Variants in FRS2 observed in about 807,000 individuals in gnomAD.
The protein encoded by FRS2 is fibroblast growth factor receptor substrate 2.
Under a neutral mutation model 43.9 loss-of-function variants are expected in FRS2, and 8 were observed. The observed-to-expected ratio is 0.18, with a 90% CI of 0.11 to 0.33. The LOEUF is 0.33. Among genes scored for constraint, FRS2 ranks in the 10% least tolerant of loss-of-function variants. The pLI is 1.00. For synonymous variants in FRS2, 219 were observed against 220.3 expected (o/e 0.99, Z 0.05); for missense variants, 534 against 627.6 (o/e 0.85, Z 1.59).
chr12:69,525,815 G>A (rs933508884), intron 1 of FRS2, among the ~76,000 whole-genome samples: 7 of 150,688 alleles, frequency 4.6e-5, no homozygotes, highest in African/African-American at 1.7e-4. Context: ...TAGAAGACTA[G>A]CATATGTATT....
chr12:69,505,404 A>G (rs1873837114), intron 1 of FRS2, among the ~76,000 whole-genome samples: 1 of 152,200 alleles, frequency 6.6e-6, no homozygotes, highest in Non-Finnish European at 1.5e-5. Context: ...ACATAATAAG[A>G]ATCTGTTTAG....
At chr12:69,503,905 A>G (rs967452210) in intron 1 of FRS2, among the ~76,000 whole-genome samples, 2 of 152,172 alleles carry the variant, frequency 1.3e-5, no homozygotes, top group Admixed American at 1.3e-4. Flanking sequence ...AATTGCTTTT[A>G]CAGATTTTTA....
intron 1 of FRS2, among the ~76,000 whole-genome samples, chr12:69,495,071 G>T (rs1342250339): frequency 6.6e-6 from 1 of 152,000 alleles, no homozygotes; most frequent in Non-Finnish European, 1.5e-5. Context: ...TCGCCTGGCC[G>T]CTTCTAGGTT....
At chr12:69,509,769 G>T (rs536779446) in intron 1 of FRS2, among the ~76,000 whole-genome samples, 16 of 152,154 alleles carry the variant, frequency 1.1e-4, no homozygotes, top group African/African-American at 3.6e-4. Flanking sequence ...TTGCTGTTGT[G>T]TCTTTCCCAA....
intron 7 of FRS2, 109 bp from the exon 8 acceptor site, chr12:69,572,009 G>A: frequency 2.9e-6 from 2 of 700,428 alleles, no homozygotes; most frequent in East Asian, 2.7e-5. Flanking sequence ...GATTTCTGCT[G>A]TCTTGGCAGA....
chr12:69,498,519 TTGTG>T lies in FRS2; in HGVS notation c.-261+28019_-261+28022del, dbSNP rs71094717. Among the ~76,000 whole-genome samples the T allele has an allele frequency of 1.3e-3, 189 of 141,552 alleles. 2 individuals are homozygous for T. The highest frequency in any genetic ancestry group is 0.012 in the East Asian group (60 of 4,842). The allele number at this position is 141,552 out of a possible 152,430, so 92.9% of individuals were successfully genotyped here. A position where few individuals can be genotyped will look rare whatever the true frequency, so the allele number is the denominator to read the frequency against. ...AACTTTCTTAAACCATTATGAGGGT[TTGTG>T]TGTGTGTGTGTGTGTGTGTGTGTGT... On this transcript the variant is annotated intron_variant, in intron 1 of 8. Transcript: ENST00000549921.
chr12:69,571,209 T>G, intron 6 of FRS2, 67 bp from the exon 7 acceptor site: 1 of 1,026,816 alleles, frequency 9.7e-7, no homozygotes, highest in Non-Finnish European at 1.4e-6. Flanking sequence ...CTGCTGTTTG[T>G]CAAGTGTTCC....
At position 69,513,830 on chromosome 12, in the gene FRS2, G is replaced by A. The variant is rs947019552; in HGVS notation, c.-260-17035G>A. 2.6e-5 allele frequency among the ~76,000 whole-genome samples: 4 copies of A among 152,134 alleles called. No homozygotes were observed. The South Asian group carries it at 8.3e-4, about 31-fold the overall frequency. The stretch of plus-strand genomic sequence containing the variant: ...TGGTGGAATCATTTGTTACCTCAAT[G>A]AAAGCTACTCCTTGGATAGAGTTGT... On this transcript the variant is annotated intron_variant, in intron 1 of 8. Transcript: ENST00000549921.
At chr12:69,470,562 C>T in intron 1 of FRS2, 32 bp downstream of exon 1, 1 of 398,342 alleles carries the variant, frequency 2.5e-6, no homozygotes, top group Non-Finnish European at 4.4e-6. Context: ...CTGGGACGGC[C>T]GCGGGCCCGC....
intron 1 of FRS2, among the ~76,000 whole-genome samples, chr12:69,478,340 C>T (rs868756186): frequency 9.9e-5 from 15 of 152,052 alleles, no homozygotes; most frequent in Middle Eastern, 3.4e-3. Context: ...AATATGGTGG[C>T]CCCTATATAG....
chr12:69,558,780 C>T lies in FRS2; in HGVS notation c.-121-3400C>T, dbSNP rs189106648. 2.6e-5 allele frequency among the ~76,000 whole-genome samples: 4 copies of T among 152,324 alleles called. No homozygotes were observed. In the East Asian group the frequency reaches 7.7e-4, roughly 29 times the overall value. On this transcript the variant is annotated intron_variant, in intron 3 of 8. Coordinates refer to ENST00000549921, the MANE Select transcript of FRS2 (RefSeq NM_001278356.2). ...TCTGTCTCTCCCACTAGACAGTAAG[C>T]TCCTTGGAGTCAGGGAATGTGTCCT...
chr12:69,484,676 A>G (rs143522152), intron 1 of FRS2, among the ~76,000 whole-genome samples: 65 of 152,320 alleles, frequency 4.3e-4, no homozygotes, highest in Middle Eastern at 3.4e-3. Flanking sequence ...TCGTGCTGAC[A>G]TGTTAATACA....
intron 4 of FRS2, among the ~76,000 whole-genome samples, chr12:69,567,598 A>C (rs1186308794): frequency 1.3e-5 from 2 of 152,190 alleles, no homozygotes; most frequent in African/African-American, 4.8e-5. Flanking sequence ...AGATGCTATG[A>C]TACTAGGAAG....
intron 1 of FRS2, among the ~76,000 whole-genome samples, chr12:69,496,879 T>C (rs1872946053): frequency 6.6e-6 from 1 of 152,244 alleles, no homozygotes; most frequent in African/African-American, 2.4e-5. Context: ...AGAACAATTC[T>C]ATGTGCTAGA....
intron 1 of FRS2, 60 bp downstream of exon 1, chr12:69,470,590 C>G (rs999883728): frequency 2.5e-6 from 1 of 397,892 alleles, no homozygotes; most frequent in Admixed American, 4.4e-5. Context: ...CTGGCGTTCT[C>G]GTGCCCCCGC....
intron 3 of FRS2, among the ~76,000 whole-genome samples, chr12:69,545,769 A>AC (rs968847207): frequency 2.0e-5 from 3 of 150,950 alleles, no homozygotes; most frequent in African/African-American, 7.3e-5. Flanking sequence ...AAAAAAAAAA[A>AC]AAAAAAAAAC....
intron 1 of FRS2, among the ~76,000 whole-genome samples, chr12:69,517,052 G>A (rs1016782120): frequency 6.6e-6 from 1 of 152,172 alleles, no homozygotes; most frequent in Non-Finnish European, 1.5e-5. Context: ...ATGGGCTACA[G>A]TGAAAACACA....
At position 69,547,203 on chromosome 12, in the gene FRS2, TA is replaced by T. The variant is rs373482000; in HGVS notation, c.-121-14976del. Among the ~76,000 whole-genome samples, 337 of 152,236 alleles carry T rather than the reference TA, an allele frequency of 2.2e-3. 5 individuals are homozygous for T. Among genetic ancestry groups the T allele is most frequent in the African/African-American group, 7.0e-3 (291 of 41,542 alleles). ...AAAGTAGAATGGTTTTGTCAGGGGA[TA>T]GGGGGAGGAGGGAGTTACTGTTTAA... On this transcript the variant is annotated intron_variant, in intron 3 of 8. Coordinates refer to ENST00000549921, the MANE Select transcript of FRS2 (RefSeq NM_001278356.2).
At chr12:69,545,516 G>A (rs1446829865) in intron 3 of FRS2, among the ~76,000 whole-genome samples, 3 of 152,092 alleles carry the variant, frequency 2.0e-5, no homozygotes, top group African/African-American at 7.2e-5. Context: ...CCAGCACTTT[G>A]GGAGGCCAAG....
Sources: gnomAD v4.1 joint callset for allele counts (sites outside exome capture counted in the v4.1 genomes callset) on GRCh38, gnomAD v4.1.1 for gene constraint, MANE v1.5 for transcripts, NCBI Gene and HGNC (gene_info 2026-07-23, HGNC 2026-07-21) for gene names.